DMRT2: variants seen among roughly 807,000 people sequenced by gnomAD.
DMRT2 encodes the protein doublesex and mab-3 related transcription factor 2, also known as doublesex- and mab-3-related transcription factor 2.
Under a neutral mutation model 43.5 loss-of-function variants are expected in DMRT2, and 33 were observed. The observed-to-expected ratio is 0.76, with a 90% CI of 0.58 to 1.01. The LOEUF (loss-of-function observed/expected upper bound fraction) is 1.01. Ranked by LOEUF, DMRT2 falls within the 50% of genes least tolerant of loss-of-function variation. The pLI, the probability that DMRT2 is intolerant of heterozygous loss-of-function variation, is 0.00. For missense variants in DMRT2, 1,064 were observed against 748.0 expected, an observed-to-expected ratio of 1.42 and a Z score of -4.93; for synonymous variants, 395 against 309.2, an observed-to-expected ratio of 1.28 and a Z score of -2.91.
At position 1,052,141 on chromosome 9, in the gene DMRT2, G is replaced by A; in HGVS notation, c.525+3G>A. On this transcript the variant is annotated splice_donor_region_variant and intron_variant, in intron 2 of 3. Transcript: ENST00000358146. Reference sequence around the variant, plus strand: ...TCCGGAGGCAGCAGGCCACCGAGGTGCGTACCCGCCCGGCCCGGGCGTCTC... The same window carrying A: ...TCCGGAGGCAGCAGGCCACCGAGGTACGTACCCGCCCGGCCCGGGCGTCTC... 1 of 1,387,622 alleles carries A rather than the reference G, an allele frequency of 7.2e-7. No homozygotes were observed. The highest frequency in any genetic ancestry group is 1.6e-5 in the South Asian group (1 of 63,302). 86.0% of individuals were successfully genotyped at this position (1,387,622 alleles called of 1,614,324 possible).
At chr9:1,053,641 A>G in intron 2 of DMRT2, 81 bp from the exon 3 acceptor site, 1 of 1,202,306 alleles carries the variant, frequency 8.3e-7, no homozygotes, top group Non-Finnish European at 1.2e-6. Context: ...TTTCTAGAAG[A>G]TTTACGGACA....
At chr9:1,053,197 A>C (rs1232982888) in intron 2 of DMRT2, 1 of 152,314 alleles carries the variant, frequency 6.6e-6, no homozygotes, top group Non-Finnish European at 1.5e-5. Context: ...GCAAAGCGCA[A>C]ATTTGGAGTT....
rs1309491782 is a variant in DMRT2 at position 1,056,742 on chromosome 9, T to C, written c.1155T>C (p.Asp385=). The stretch of plus-strand genomic sequence containing the variant: ...ACTTGAAGGGAGCACGAGTCCAGGA[T>C]GGACTCAGTGCAGAGCAGGACATGA... The part of the protein sequence containing the change: ...SWDLKGARVQ[D]GLSAEQDMMP... Residue 385 remains aspartate, a synonymous_variant, in exon 4 of 4, where the codon GAT becomes GAC. Coordinates refer to ENST00000358146, the MANE Select transcript of DMRT2 (RefSeq NM_181872.6). 2 of 1,613,950 alleles carry C rather than the reference T, an allele frequency of 1.2e-6. No individual in the cohort carries two copies. Among genetic ancestry groups the C allele is most frequent in the South Asian group, 1.1e-5 (1 of 91,076 alleles).
At chr9:1,054,148 C>T (rs539568268) in intron 3 of DMRT2, among the ~76,000 whole-genome samples, 7 of 152,230 alleles carry the variant, frequency 4.6e-5, no homozygotes, top group Middle Eastern at 3.4e-3. Flanking sequence ...AGTGGTTAAT[C>T]GGTTAATGTG....
At chr9:1,054,963 G>C (rs1427339088) in intron 3 of DMRT2, among the ~76,000 whole-genome samples, 4 of 151,992 alleles carry the variant, frequency 2.6e-5, no homozygotes, top group African/African-American at 9.7e-5. Context: ...GACAGGTTTT[G>C]AAGTTTGTGT....
chr9:1,051,502 G>C lies in DMRT2; in HGVS notation c.-44-68G>C. 4 of 1,403,022 alleles carry C rather than the reference G, an allele frequency of 2.9e-6. No individual in the cohort carries two copies. Among genetic ancestry groups the C allele is most frequent in the Non-Finnish European group, 3.7e-6 (4 of 1,087,566 alleles). 86.9% of individuals were successfully genotyped at this position (1,403,022 alleles called of 1,614,324 possible). On this transcript the variant is annotated intron_variant, in intron 1 of 3. Transcript: ENST00000358146. This position sits in a 1 kb window ranked among gnomAD's most constrained non-coding sequence, Gnocchi z 5.9. ...GGAGGCGGGCAGACCAGGAGCTTTG[G>C]GCCGGAGGCTCAGGGATGGTCCCTG...
Position 1,051,985 on chromosome 9 carries a change from G to A in DMRT2, c.372G>A (p.Ala124=), listed in dbSNP as rs571896886. ...PRKLSRTPKC[A]RCRNHGVVSC... is the part of the protein sequence containing the mutation. ...AGCTGAGCCGCACGCCCAAGTGCGC[G>A]CGCTGCCGCAACCACGGCGTGGTGT... Residue 124 remains alanine, a synonymous_variant, in exon 2 of 4, where the codon GCG becomes GCA. Coordinates refer to ENST00000358146, the MANE Select transcript of DMRT2 (RefSeq NM_181872.6). The surrounding 1 kb of genome is among the most constrained non-coding windows in gnomAD (Gnocchi z 5.9). The A allele has an allele frequency of 1.4e-6, 2 of 1,444,654 alleles. No individual in the cohort carries two copies. Among genetic ancestry groups the A allele is most frequent in the African/African-American group, 3.0e-5 (2 of 67,454 alleles). 89.5% of individuals were successfully genotyped at this position (1,444,654 alleles called of 1,614,324 possible).
Position 1,056,959 on chromosome 9 carries a change from G to C in DMRT2, c.1372G>C (p.Glu458Gln), listed in dbSNP as rs17641078. The change falls in exon 4 of 4, where the codon GAA becomes CAA. Residue 458 changes from glutamate (E) to glutamine (Q), a missense_variant. By Grantham distance (29) the Glu-to-Gln change is conservative. Transcript: ENST00000358146. ...GCATGTCTTAACGAAGATCAGCAAA[G>C]AAAACACCAGGCACCCTCTGCCACT... is the stretch of plus-strand genomic sequence containing the variant. ...QGHVLTKISKENTRHPLPLRH... is the reference protein window; with the variant it reads ...QGHVLTKISKQNTRHPLPLRH... 0.12 allele frequency: 198,238 copies of C among 1,613,972 alleles called. 13,569 individuals carry two copies. The highest frequency in any genetic ancestry group is 0.22 in the South Asian group (19,599 of 91,074).
At position 1,057,116 on chromosome 9, in the gene DMRT2, A is replaced by G. The variant is rs41298155; in HGVS notation, c.1529A>G (p.Asp510Gly). ...AAACACAGAGAGTGTTTAGTTAAGG[A>G]CAACCAGAAGTACACATTTACAATA... ...PKKHRECLVKDNQKYTFTIDR... is the reference protein window; with the variant it reads ...PKKHRECLVKGNQKYTFTIDR... The change falls in exon 4 of 4, where the codon GAC becomes GGC. Residue 510 changes from aspartate (D) to glycine (G), a missense_variant. Coordinates refer to ENST00000358146, the MANE Select transcript of DMRT2 (RefSeq NM_181872.6). 2.5e-4 allele frequency: 408 copies of G among 1,614,176 alleles called. No homozygotes were observed. Among genetic ancestry groups the G allele is most frequent in the Non-Finnish European group, 3.2e-4 (381 of 1,180,046 alleles).
rs902851404 is a variant in DMRT2, at chr9:1,055,854, T to C, written c.629-362T>C. 5.9e-6 allele frequency: 9 copies of C among 1,518,896 alleles called. No homozygotes were observed. The African/African-American group carries it at 1.2e-4, about 20-fold the overall frequency. 94.1% of individuals were successfully genotyped at this position (1,518,896 alleles called of 1,614,324 possible). ...AGATGACATGGATAATAATAAAACA[T>C]TGATTGATACAAGATAAATAGTCTT... On this transcript the variant is annotated intron_variant, in intron 3 of 3. Coordinates refer to ENST00000358146, the MANE Select transcript of DMRT2 (RefSeq NM_181872.6).
chr9:1,053,391 C>G (rs1188289773), intron 2 of DMRT2, among the ~76,000 whole-genome samples: 2 of 152,182 alleles, frequency 1.3e-5, no homozygotes, highest in African/African-American at 2.4e-5. Flanking sequence ...CGGGTGCCCC[C>G]CTGAAAGGGA....
In DMRT2 at chr9:1,056,253, G is replaced by C. The variant is rs143412065; in HGVS notation, c.666G>C (p.Gly222=). Residue 222 remains glycine (G), a synonymous_variant, in exon 4 of 4, where the codon GGG becomes GGC. Transcript: ENST00000358146. ...TTCCAGCGGAGACTTATGTAGGAGG[G>C]ACCTTCCCTCTACCTCCCCCAGTTA... ...RPIPAETYVG[G]TFPLPPPVSD... is the part of the protein sequence containing the mutation. 3 of 1,613,792 alleles carry C rather than the reference G, an allele frequency of 1.9e-6. No individual in the cohort carries two copies. Among genetic ancestry groups the C allele is most frequent in the Admixed American group, 1.7e-5 (1 of 59,962 alleles).
intron 3 of DMRT2, 43 bp from the exon 4 acceptor site, chr9:1,056,173 G>T (rs200344245): frequency 1.3e-6 from 2 of 1,550,864 alleles, no homozygotes; most frequent in South Asian, 1.3e-5. Flanking sequence ...TTTTTATTCC[G>T]TAGATGTTAA....
chr9:1,050,661 T>C lies in DMRT2; in HGVS notation c.-159T>C, dbSNP rs1467855534. The C allele has an allele frequency of 6.6e-6, 1 of 152,222 alleles. No homozygotes were observed. Among genetic ancestry groups the C allele is most frequent in the African/African-American group, 2.4e-5 (1 of 41,398 alleles). 9.4% of individuals were successfully genotyped at this position (152,222 alleles called of 1,614,324 possible). On this transcript the variant is annotated 5_prime_UTR_variant, in exon 1 of 4. Transcript: ENST00000358146. ...CTCCAGCTATCAGCTCCCGATCTCGTGTTTGAGGGTAGCGACCCCGATTTC... is the reference window on the plus strand; with the variant it reads ...CTCCAGCTATCAGCTCCCGATCTCGCGTTTGAGGGTAGCGACCCCGATTTC...
At chr9:1,055,992 A>T (rs1457144272) in intron 3 of DMRT2, 2 of 1,414,080 alleles carry the variant, frequency 1.4e-6, no homozygotes, top group East Asian at 5.2e-5. Context: ...AGCAACAAGA[A>T]CAAGAACAAC....
chr9:1,056,888 G>A lies in DMRT2; in HGVS notation c.1301G>A (p.Arg434Gln), dbSNP rs754599241. The change falls in exon 4 of 4, where the codon CGG (arginine) becomes CAG (glutamine). Residue 434 changes from arginine to glutamine, a missense_variant. Coordinates refer to ENST00000358146, the MANE Select transcript of DMRT2 (RefSeq NM_181872.6). ...AGGTCCGCGTTCTCCCCACCCCGACGGAATTTCTCTCCCATTGTTGACACG... is the reference window on the plus strand; with the variant it reads ...AGGTCCGCGTTCTCCCCACCCCGACAGAATTTCTCTCCCATTGTTGACACG... ...PERSAFSPPR[R>Q]NFSPIVDTDS... The A allele has an allele frequency of 1.8e-5, 29 of 1,613,952 alleles. No individual in the cohort carries two copies. The highest frequency in any genetic ancestry group is 8.3e-5 in the Admixed American group (5 of 59,990).
In DMRT2 at chr9:1,053,765, A is replaced by C. The variant is rs144715662; in HGVS notation, c.569A>C (p.Lys190Thr). Residue 190 changes from lysine (K) to threonine (T), a missense_variant, in exon 3 of 4, where the codon AAA becomes ACA. Physicochemically the swap from Lys to Thr is moderately conservative, Grantham distance 78. Coordinates refer to ENST00000358146, the MANE Select transcript of DMRT2 (RefSeq NM_181872.6). Reference sequence around the variant, plus strand: ...GGGAAACAGAATAATTTCGAGCGCAAAGCTGTGTACCAGAGGCAAGTCAGA... The same window carrying C: ...GGGAAACAGAATAATTTCGAGCGCACAGCTGTGTACCAGAGGCAAGTCAGA... Reference protein sequence around the residue: ...LSGKQNNFERKAVYQRQVRAP... With the variant: ...LSGKQNNFERTAVYQRQVRAP... 2.5e-6 allele frequency: 4 copies of C among 1,613,988 alleles called. No homozygotes were observed. The African/African-American group carries it at 5.3e-5, about 22-fold the overall frequency.
chr9:1,057,236 A>C lies in DMRT2; in HGVS notation c.1649A>C (p.Lys550Thr). The C allele has an allele frequency of 6.2e-7, 1 of 1,613,132 alleles. No individual in the cohort carries two copies. The highest frequency in any genetic ancestry group is 2.2e-5 in the East Asian group (1 of 44,868). Residue 550 changes from lysine to threonine, a missense_variant, in exon 4 of 4, where the codon AAG (lysine) becomes ACG (threonine). Coordinates refer to ENST00000358146, the MANE Select transcript of DMRT2 (RefSeq NM_181872.6). ...PLSFSVESILKRPSSAITRVS... is the reference protein window; with the variant it reads ...PLSFSVESILTRPSSAITRVS... Reference sequence around the variant, plus strand: ...TCATTTTCTGTTGAGTCTATTCTTAAGAGGCCTTCATCTGCCATCACTCGT... The same window carrying C: ...TCATTTTCTGTTGAGTCTATTCTTACGAGGCCTTCATCTGCCATCACTCGT...
intron 2 of DMRT2, 91 bp from the exon 3 acceptor site, chr9:1,053,631 T>G: frequency 2.8e-6 from 3 of 1,082,090 alleles, no homozygotes; most frequent in East Asian, 2.4e-5. Flanking sequence ...AGGGGGAGAG[T>G]TTCTAGAAGA....
Sources: allele counts gnomAD v4.1 joint callset (sites outside exome capture counted in the v4.1 genomes callset), GRCh38; gene constraint gnomAD v4.1.1; non-coding constraint Gnocchi (gnomAD v3.1); transcripts MANE v1.5; gene names NCBI Gene and HGNC (gene_info 2026-07-23, HGNC 2026-07-21).